The following CELF4 variants were observed in gnomAD, a reference collection of about 807,000 sequenced individuals.
CELF4 encodes CUGBP Elav-like family member 4.
In CELF4, 18 loss-of-function variants were observed where a neutral mutation model predicts 59.9. The observed-to-expected ratio is 0.30, with a 90% CI of 0.21 to 0.45. The LOEUF is 0.45. CELF4 is among the 20% of genes least tolerant of loss of function. CELF4 has a pLI of 1.00. For synonymous variants in CELF4, 261 were observed against 267.1 expected, an observed-to-expected ratio of 0.98 and a Z score of 0.22; for missense variants, 456 against 689.0, an observed-to-expected ratio of 0.66 and a Z score of 3.79.
intron 1 of CELF4, among the ~76,000 whole-genome samples, chr18:37,517,807 G>A (rs373247916): frequency 2.8e-4 from 42 of 152,170 alleles, no homozygotes; most frequent in East Asian, 1.9e-3. Flanking sequence ...TGGGACCTCC[G>A]AGGGTCAAGG....
intron 3 of CELF4, among the ~76,000 whole-genome samples, chr18:37,314,704 G>A (rs917935697): frequency 1.1e-4 from 17 of 152,062 alleles, no homozygotes; most frequent in South Asian, 2.1e-4. Context: ...TCCCCTTTCC[G>A]TCCTCCAGCC....
chr18:37,536,120 G>A (rs1489430793), intron 1 of CELF4, among the ~76,000 whole-genome samples: 3 of 151,956 alleles, frequency 2.0e-5, no homozygotes, highest in African/African-American at 4.8e-5. Flanking sequence ...CTGACGCCTG[G>A]ACATTTTTTT....
chr18:37,522,519 GCACACA>G (rs144071944), intron 1 of CELF4, among the ~76,000 whole-genome samples: 1 of 150,604 alleles, frequency 6.6e-6, no homozygotes, highest in Non-Finnish European at 1.5e-5. Flanking sequence ...GTGTGAGCGC[GCACACA>G]CACACACACA....
intron 2 of CELF4, among the ~76,000 whole-genome samples, chr18:37,354,056 G>A (rs1022472573): frequency 1.3e-5 from 2 of 152,022 alleles, no homozygotes; most frequent in Non-Finnish European, 2.9e-5. Flanking sequence ...CGCCTGGCCT[G>A]TGGGGGGACC....
intron 12 of CELF4, among the ~76,000 whole-genome samples, chr18:37,249,228 G>C (rs1340062640): frequency 6.6e-6 from 1 of 152,060 alleles, no homozygotes; most frequent in Non-Finnish European, 1.5e-5. Context: ...ACCCACCCAG[G>C]ATGGCCAACG....
At chr18:37,339,659 C>A (rs1031167431) in intron 2 of CELF4, among the ~76,000 whole-genome samples, 2 of 150,732 alleles carry the variant, frequency 1.3e-5, no homozygotes, top group African/African-American at 4.9e-5. Flanking sequence ...GAGGCTGAGG[C>A]AAGTGAATCG....
At chr18:37,517,317 G>C (rs757315142) in intron 1 of CELF4, among the ~76,000 whole-genome samples, 60 of 152,252 alleles carry the variant, frequency 3.9e-4, no homozygotes, top group Non-Finnish European at 7.8e-4. Flanking sequence ...TTCAAGTGTG[G>C]GCTTTCTGGA....
At chr18:37,336,658 G>A (rs912670239) in intron 2 of CELF4, among the ~76,000 whole-genome samples, 14 of 75,178 alleles carry the variant, frequency 1.9e-4, no homozygotes, top group African/African-American at 4.5e-4. Context: ...CCTGGCACAC[G>A]TGCATGCCAG....
chr18:37,474,923 T>C (rs1413243958), intron 2 of CELF4, among the ~76,000 whole-genome samples: 1 of 152,214 alleles, frequency 6.6e-6, no homozygotes, highest in Non-Finnish European at 1.5e-5. Flanking sequence ...TGCCCACGCA[T>C]GCAGCAAGCC....
At chr18:37,295,355 G>A (rs995191074) in intron 3 of CELF4, among the ~76,000 whole-genome samples, 1 of 152,248 alleles carries the variant, frequency 6.6e-6, no homozygotes, top group Admixed American at 6.5e-5. Context: ...TTGGGATGGT[G>A]TGGCTAACAA....
rs752918216 is a variant in CELF4, at chr18:37,274,423, G to C, written c.689C>G (p.Ala230Gly). ...CATCGTGCGCTCCTTGTCGGTGTCG[G>C]CGAACTTGACCACCAGACTGGACGA... ...GASSSLVVKF[A>G]DTDKERTMRR... Residue 230 changes from alanine to glycine, a missense_variant, in exon 6 of 13, where the codon GCC (alanine) becomes GGC (glycine). This residue lies in a region of CELF4 where 6 missense variants were observed against 29.6 expected (regional missense o/e 0.20). Transcript: ENST00000420428. The C allele has an allele frequency of 6.2e-7, 1 of 1,613,252 alleles. No individual in the cohort carries two copies.
intron 1 of CELF4, among the ~76,000 whole-genome samples, chr18:37,556,115 C>T (rs571183141): frequency 2.8e-4 from 43 of 152,218 alleles, no homozygotes; most frequent in African/African-American, 9.4e-4. Flanking sequence ...CTCTTGTCTC[C>T]GAGGACTTGC....
chr18:37,539,448 G>GAC (rs35598472), intron 1 of CELF4, among the ~76,000 whole-genome samples: 44,139 of 134,324 alleles, frequency 0.33, 7,981 homozygotes, highest in Non-Finnish European at 0.44. Flanking sequence ...GCACCTCTAA[G>GAC]ACACACACAC....
At chr18:37,420,276 C>G (rs2099569750) in intron 2 of CELF4, among the ~76,000 whole-genome samples, 1 of 152,248 alleles carries the variant, frequency 6.6e-6, no homozygotes, top group African/African-American at 2.4e-5. Context: ...AAACCTGGCT[C>G]TACCGCTCAC....
intron 2 of CELF4, among the ~76,000 whole-genome samples, chr18:37,373,759 A>C (rs1187314716): frequency 6.6e-5 from 10 of 152,142 alleles, no homozygotes; most frequent in Admixed American, 6.5e-4. Flanking sequence ...GAGGCTGTCC[A>C]GGCAGGGCAT....
chr18:37,273,963 A>G (rs1297618115), intron 6 of CELF4: 31 of 1,123,872 alleles, frequency 2.8e-5, no homozygotes, highest in Middle Eastern at 3.8e-4. Flanking sequence ...TTTGCAACCA[A>G]TGACCTGAAC....
At chr18:37,544,794 G>A (rs1220998795) in intron 1 of CELF4, among the ~76,000 whole-genome samples, 2 of 152,152 alleles carry the variant, frequency 1.3e-5, no homozygotes, top group East Asian at 3.9e-4. Flanking sequence ...ATTCCCCCGA[G>A]GAAGAAAGCT....
intron 3 of CELF4, among the ~76,000 whole-genome samples, chr18:37,294,564 G>A (rs982406795): frequency 1.3e-5 from 2 of 152,202 alleles, no homozygotes; most frequent in Non-Finnish European, 2.9e-5. Context: ...TCCCCCAAAT[G>A]CTCTCAAGCC....
At chr18:37,256,730 G>A (rs1300914154) in intron 11 of CELF4, among the ~76,000 whole-genome samples, 6 of 152,096 alleles carry the variant, frequency 3.9e-5, no homozygotes, top group African/African-American at 1.2e-4. Context: ...GATTACAGGC[G>A]CACACCACCA....
Sources: gnomAD v4.1 joint callset for allele counts (sites outside exome capture counted in the v4.1 genomes callset) on GRCh38, gnomAD v4.1.1 for gene constraint, gnomAD v4.1.1 regional missense constraint, MANE v1.5 for transcripts, NCBI Gene and HGNC (gene_info 2026-07-23, HGNC 2026-07-21) for gene names.